Variants in TMEM108 observed in about 807,000 individuals in gnomAD.
TMEM108 encodes transmembrane protein 108.
A neutral mutation model predicts 35.1 loss-of-function variants in TMEM108; 12 were observed. The observed-to-expected ratio is 0.34, with a 90% CI of 0.22 to 0.55. The LOEUF is 0.55. TMEM108 is among the 20% of genes least tolerant of loss of function. TMEM108 has a pLI of 0.89. For synonymous variants in TMEM108, 287 were observed against 308.6 expected (o/e 0.93, Z 0.73); for missense variants, 680 against 753.3 (o/e 0.90, Z 1.14).
intron 2 of TMEM108, among the ~76,000 whole-genome samples, chr3:133,056,460 G>A (rs1241743563): frequency 6.6e-6 from 1 of 152,128 alleles, no homozygotes; most frequent in Non-Finnish European, 1.5e-5. Flanking sequence ...TTTTAGAATG[G>A]GAATCATAAC....
intron 3 of TMEM108, among the ~76,000 whole-genome samples, chr3:133,354,301 G>A (rs1056388629): frequency 5.3e-5 from 8 of 152,168 alleles, no homozygotes; most frequent in African/African-American, 1.7e-4. Context: ...GCTCTCAGCT[G>A]GGGATGTTGC....
At chr3:133,104,038 T>C (rs990484451) in intron 2 of TMEM108, among the ~76,000 whole-genome samples, 2 of 152,146 alleles carry the variant, frequency 1.3e-5, no homozygotes, top group African/African-American at 4.8e-5. Context: ...CTATAAATAA[T>C]ATCATTTCTG....
At position 133,387,400 on chromosome 3, in the gene TMEM108, G is replaced by A. The variant is rs997738858; in HGVS notation, c.1451-2780G>A. ...GAGAAGCACTGGAAACTCCCTGAGA[G>A]AAATATAATCAGGCCAGGAGCATGA... On this transcript the variant is annotated intron_variant, in intron 4 of 5. Transcript: ENST00000321871. The A allele has an allele frequency of 1.3e-5, 13 of 985,484 alleles. No homozygotes were observed. In the African/African-American group the frequency reaches 1.9e-4, roughly 15 times the overall value. The allele number at this position is 985,484 out of a possible 1,614,324, so 61.0% of individuals were successfully genotyped here. A position where few individuals can be genotyped will look rare whatever the true frequency, so the allele number is the denominator to read the frequency against.
intron 2 of TMEM108, among the ~76,000 whole-genome samples, chr3:133,119,912 A>C (rs552552013): frequency 6.6e-5 from 10 of 152,230 alleles, no homozygotes; most frequent in African/African-American, 1.9e-4. Flanking sequence ...AAGATTTTCT[A>C]TTTTCCTTTA....
At chr3:133,264,334 T>C (rs1434982480) in intron 3 of TMEM108, among the ~76,000 whole-genome samples, 2 of 152,034 alleles carry the variant, frequency 1.3e-5, no homozygotes, top group Non-Finnish European at 2.9e-5. Flanking sequence ...AAGAAAGCTA[T>C]CTATCATGCT....
chr3:133,085,445 A>C (rs1943869687), intron 2 of TMEM108, among the ~76,000 whole-genome samples: 1 of 152,226 alleles, frequency 6.6e-6, no homozygotes, highest in African/African-American at 2.4e-5. Context: ...CAGATCACTG[A>C]TTCTCAATCA....
At chr3:133,178,883 T>G (rs1432471629) in intron 2 of TMEM108, among the ~76,000 whole-genome samples, 1 of 151,984 alleles carries the variant, frequency 6.6e-6, no homozygotes, top group African/African-American at 2.4e-5. Context: ...ACCTACAGAA[T>G]GGGAGAAAAT....
chr3:133,204,650 A>T (rs1327628915), intron 2 of TMEM108, among the ~76,000 whole-genome samples: 1 of 152,240 alleles, frequency 6.6e-6, no homozygotes, highest in South Asian at 2.1e-4. Flanking sequence ...ATTTGATTGC[A>T]CTGTGGTCTG....
At chr3:133,078,158 T>TGTGTGTGTGTGTGTGTGTGTGTGC (rs770304551) in intron 2 of TMEM108, among the ~76,000 whole-genome samples, 3 of 116,772 alleles carry the variant, frequency 2.6e-5, no homozygotes, top group African/African-American at 6.4e-5. Context: ...TGTGTGTGTG[T>TGTGTGTGTGTGTGTGTGTGTGTGC]GCACGCGCGC....
intron 2 of TMEM108, among the ~76,000 whole-genome samples, chr3:133,204,766 C>T (rs896829882): frequency 1.3e-5 from 2 of 152,066 alleles, no homozygotes; most frequent in African/African-American, 4.8e-5. Flanking sequence ...CCTGAGAAGA[C>T]TGTATATTCT....
At chr3:133,248,751 C>T (rs1453744134) in intron 3 of TMEM108, among the ~76,000 whole-genome samples, 7 of 152,060 alleles carry the variant, frequency 4.6e-5, no homozygotes, top group Admixed American at 3.3e-4. Flanking sequence ...GCTCATTTAG[C>T]CTCATTATTT....
chr3:133,367,334 T>C (rs557024390), intron 3 of TMEM108, among the ~76,000 whole-genome samples: 20 of 152,230 alleles, frequency 1.3e-4, no homozygotes, highest in African/African-American at 4.8e-4. Flanking sequence ...ATGGTATCAG[T>C]ATTGATATTG....
intron 3 of TMEM108, among the ~76,000 whole-genome samples, chr3:133,312,747 C>G (rs183296776): frequency 8.7e-4 from 133 of 152,328 alleles, no homozygotes; most frequent in Non-Finnish European, 1.2e-3. Context: ...ACTGTCCAAC[C>G]AGTCCCAGTG....
intron 5 of TMEM108, among the ~76,000 whole-genome samples, chr3:133,391,741 G>A (rs1434526765): frequency 6.6e-6 from 1 of 151,890 alleles, no homozygotes; most frequent in Non-Finnish European, 1.5e-5. Context: ...TCACCTCAGT[G>A]ACTCCAACCC....
chr3:133,378,372 A>G, intron 3 of TMEM108: 1 of 985,522 alleles, frequency 1.0e-6, no homozygotes, highest in Non-Finnish European at 1.2e-6. Flanking sequence ...ACACCTGGGA[A>G]TCACAGCTGG....
chr3:133,377,783 G>T (rs1212771280), intron 3 of TMEM108, among the ~76,000 whole-genome samples: 1 of 151,914 alleles, frequency 6.6e-6, no homozygotes, highest in East Asian at 1.9e-4. Context: ...GAGGTGGGAG[G>T]CCGGTGAGCC....
rs150123105 is a variant in TMEM108, at chr3:133,183,740, C to T, written c.-46-45526C>T. The stretch of plus-strand genomic sequence containing the variant: ...GAGTGGGCAGGAACCTGTGCAAGGC[C>T]CTTCAAGCCCAGGTGAAGCAGCTCA... On this transcript the variant is annotated intron_variant, in intron 2 of 5. Transcript: ENST00000321871. Among the ~76,000 whole-genome samples the T allele has an allele frequency of 9.1e-4, 138 of 152,204 alleles. 1 individual carries two copies. The highest frequency in any genetic ancestry group is 3.2e-3 in the African/African-American group (132 of 41,530).
chr3:133,224,853 A>ATTCATGACAT (rs1946045379), intron 2 of TMEM108, among the ~76,000 whole-genome samples: 1 of 152,056 alleles, frequency 6.6e-6, no homozygotes, highest in South Asian at 2.1e-4. Flanking sequence ...ACATCTTAAC[A>ATTCATGACAT]TTCATGGGGC....
intron 3 of TMEM108, among the ~76,000 whole-genome samples, chr3:133,313,703 ATGT>A (rs1433402523): frequency 6.6e-6 from 1 of 152,034 alleles, no homozygotes; most frequent in Non-Finnish European, 1.5e-5. Flanking sequence ...CCCAATCAAG[ATGT>A]TGTTCAGTTT....
Sources: gnomAD v4.1 joint callset for allele counts (sites outside exome capture counted in the v4.1 genomes callset) on GRCh38, gnomAD v4.1.1 for gene constraint, MANE v1.5 for transcripts, NCBI Gene and HGNC (gene_info 2026-07-23, HGNC 2026-07-21) for gene names.